ABLIM2: variants seen among roughly 807,000 people sequenced by gnomAD.
The protein encoded by ABLIM2 is actin binding LIM protein family member 2, also known as actin-binding LIM protein 2.
Under a neutral mutation model 97.7 loss-of-function variants are expected in ABLIM2, and 53 were observed. The observed-to-expected ratio is 0.54, with a 90% CI of 0.44 to 0.68. ABLIM2 has a LOEUF of 0.68. Among genes scored for constraint, ABLIM2 ranks in the 30% least tolerant of loss-of-function variants. ABLIM2 has a pLI of 0.00. For synonymous variants in ABLIM2, 361 were observed against 345.8 expected (o/e 1.04, Z -0.49); for missense variants, 835 against 867.2 (o/e 0.96, Z 0.47).
intron 1 of ABLIM2, among the ~76,000 whole-genome samples, chr4:8,107,565 G>A (rs975249245): frequency 1.3e-5 from 2 of 152,226 alleles, no homozygotes; most frequent in African/African-American, 2.4e-5. Flanking sequence ...GGACCCAGCT[G>A]CCCGGACAAG....
chr4:8,052,559 G>T (rs998529601), intron 8 of ABLIM2, among the ~76,000 whole-genome samples: 2 of 152,204 alleles, frequency 1.3e-5, no homozygotes, highest in African/African-American at 2.4e-5. Flanking sequence ...CTTCCCCTGG[G>T]ACCCCCTCCC....
intron 13 of ABLIM2, 53 bp downstream of exon 13, chr4:8,020,149 C>T (rs563345361): frequency 4.7e-5 from 72 of 1,533,062 alleles, no homozygotes; most frequent in South Asian, 4.1e-4. Flanking sequence ...TGGCCAGTTT[C>T]GGTGTGGACA....
At chr4:8,109,396 A>T (rs1839194826) in intron 1 of ABLIM2, among the ~76,000 whole-genome samples, 1 of 152,130 alleles carries the variant, frequency 6.6e-6, no homozygotes, top group Non-Finnish European at 1.5e-5. Context: ...ACATCTATTT[A>T]CCCAATTGCT....
At chr4:7,974,934 T>C (rs1577641304) in intron 20 of ABLIM2, among the ~76,000 whole-genome samples, 1 of 152,344 alleles carries the variant, frequency 6.6e-6, no homozygotes, top group Admixed American at 6.5e-5. Context: ...AAATTCATTT[T>C]CAGGCTGGAC....
chr4:8,008,650 G>A (rs746063100), intron 15 of ABLIM2, among the ~76,000 whole-genome samples: 1 of 152,194 alleles, frequency 6.6e-6, no homozygotes, highest in Non-Finnish European at 1.5e-5. Context: ...CTCCGGCTGC[G>A]TTCACAGAGT....
chr4:8,099,090 G>A lies in ABLIM2; in HGVS notation c.155-1808C>T, dbSNP rs1033882116. Among the ~76,000 whole-genome samples, 49 of 152,196 alleles carry A rather than the reference G, an allele frequency of 3.2e-4. 1 individual carries two copies. Among genetic ancestry groups the A allele is most frequent in the African/African-American group, 1.1e-3 (44 of 41,456 alleles). On this transcript the variant is annotated intron_variant, in intron 2 of 20. Coordinates refer to ENST00000447017, the MANE Select transcript of ABLIM2 (RefSeq NM_001130083.2). ...AGGTGGGCCTCAGCCCTGGGCCAGG[G>A]TGCCCTTGCTCTGCACTCCATGCTC...
intron 11 of ABLIM2, among the ~76,000 whole-genome samples, chr4:8,028,770 T>C (rs896777281): frequency 6.6e-6 from 1 of 152,232 alleles, no homozygotes; most frequent in Non-Finnish European, 1.5e-5. Context: ...CATTCACTCA[T>C]GCACTCACTC....
At chr4:8,053,714 C>T (rs1001118538) in intron 8 of ABLIM2, among the ~76,000 whole-genome samples, 1 of 152,020 alleles carries the variant, frequency 6.6e-6, no homozygotes, top group African/African-American at 2.4e-5. Flanking sequence ...GGAGGTGGGG[C>T]GTTTGGGAAG....
At chr4:7,976,065 A>ACTCTT (rs1279396776) in intron 20 of ABLIM2, among the ~76,000 whole-genome samples, 1 of 151,538 alleles carries the variant, frequency 6.6e-6, no homozygotes, top group Non-Finnish European at 1.5e-5. Flanking sequence ...CCTAGGCCCT[A>ACTCTT]CTCTTCTGGG....
intron 1 of ABLIM2, among the ~76,000 whole-genome samples, chr4:8,108,589 C>T (rs1048247370): frequency 6.6e-6 from 1 of 152,248 alleles, no homozygotes; most frequent in Non-Finnish European, 1.5e-5. Flanking sequence ...GATAGCCGTC[C>T]TAATTCGTGC....
At chr4:8,152,556 G>A (rs1713361871) in intron 1 of ABLIM2, among the ~76,000 whole-genome samples, 1 of 152,188 alleles carries the variant, frequency 6.6e-6, no homozygotes, top group Admixed American at 6.5e-5. Context: ...CAGCCCTGGC[G>A]ATGGAAAAAT....
chr4:8,012,743 TATCC>T (rs149803675), intron 14 of ABLIM2, among the ~76,000 whole-genome samples: 3 of 149,700 alleles, frequency 2.0e-5, no homozygotes, highest in African/African-American at 4.9e-5. Flanking sequence ...CCTACTCATC[TATCC>T]ATCCATCCAT....
rs951369190 is a variant in ABLIM2, at chr4:8,155,012, C to T, written c.10+3668G>A. On this transcript the variant is annotated intron_variant, in intron 1 of 20. Transcript: ENST00000447017. The surrounding 1 kb of genome is among the most constrained non-coding windows in gnomAD (Gnocchi z 4.2). ...CCAGCCTTAATCACCACCATGAGAA[C>T]AGTATGGGGGAAACCACCCCTGTGA... Among the ~76,000 whole-genome samples the T allele has an allele frequency of 1.3e-4, 20 of 152,192 alleles. No homozygotes were observed. Among genetic ancestry groups the T allele is most frequent in the African/African-American group, 4.6e-4 (19 of 41,446 alleles).
chr4:8,112,410 T>A lies in ABLIM2; in HGVS notation c.11-5773A>T, dbSNP rs1355267949. On this transcript the variant is annotated intron_variant, in intron 1 of 20. Coordinates refer to ENST00000447017, the MANE Select transcript of ABLIM2 (RefSeq NM_001130083.2). The surrounding 1 kb of genome is among the most constrained non-coding windows in gnomAD (Gnocchi z 4.2). ...CTTGATCTTAGGAGGATGTTTTAAATGTCCATTGAAGTAGAGAAAGCTCCA... is the reference window on the plus strand; with the variant it reads ...CTTGATCTTAGGAGGATGTTTTAAAAGTCCATTGAAGTAGAGAAAGCTCCA... Among the ~76,000 whole-genome samples, 1 of 152,236 alleles carries A rather than the reference T, an allele frequency of 6.6e-6. No homozygotes were observed. Among genetic ancestry groups the A allele is most frequent in the African/African-American group, 2.4e-5 (1 of 41,464 alleles).
At chr4:8,099,376 C>G (rs1833336801) in intron 2 of ABLIM2, among the ~76,000 whole-genome samples, 1 of 152,200 alleles carries the variant, frequency 6.6e-6, no homozygotes, top group Admixed American at 6.5e-5. Flanking sequence ...ACGGCGTGAG[C>G]TGTTCCTTGA....
intron 20 of ABLIM2, among the ~76,000 whole-genome samples, chr4:7,971,715 C>A (rs1728208616): frequency 6.6e-6 from 1 of 152,046 alleles, no homozygotes; most frequent in Non-Finnish European, 1.5e-5. Flanking sequence ...CCCTGGCCTA[C>A]CCCCCTACCA....
intron 2 of ABLIM2, among the ~76,000 whole-genome samples, chr4:8,097,998 T>A (rs1214538250): frequency 6.6e-6 from 1 of 152,086 alleles, no homozygotes; most frequent in Non-Finnish European, 1.5e-5. Flanking sequence ...CTCTGCCAGG[T>A]AGGGAAGGGA....
chr4:7,968,322 C>T (rs1454873809), intron 20 of ABLIM2, among the ~76,000 whole-genome samples: 1 of 152,260 alleles, frequency 6.6e-6, no homozygotes, highest in Admixed American at 6.5e-5. Flanking sequence ...CAGCCATCCA[C>T]TCTTGGACAG....
Position 8,045,155 on chromosome 4 carries a change from C to T in ABLIM2, c.900+9G>A. The T allele has an allele frequency of 3.7e-6, 6 of 1,613,408 alleles. No homozygotes were observed. The highest frequency in any genetic ancestry group is 2.2e-5 in the East Asian group (1 of 44,864). ...CCACCGCCGTCCCCATAAAAAGGCC[C>T]TGACTTACATAAATCACACGGCTCG... On this transcript the variant is annotated intron_variant, in intron 9 of 20. Transcript: ENST00000447017.
Sources: gnomAD v4.1 joint callset for allele counts (sites outside exome capture counted in the v4.1 genomes callset) on GRCh38, gnomAD v4.1.1 for gene constraint, Gnocchi (gnomAD v3.1) non-coding constraint, MANE v1.5 for transcripts, NCBI Gene and HGNC (gene_info 2026-07-23, HGNC 2026-07-21) for gene names.